EPHA3: variants seen among roughly 807,000 people sequenced by gnomAD.
The protein encoded by EPHA3 is ephrin type-A receptor 3.
A neutral mutation model predicts 107.1 loss-of-function variants in EPHA3; 42 were observed. The ratio of observed to expected loss-of-function variants is 0.39; its 90% CI spans 0.31 to 0.51. The LOEUF (loss-of-function observed/expected upper bound fraction) is 0.51. EPHA3 is among the 20% of genes least tolerant of loss of function. The pLI, the probability that EPHA3 is intolerant of heterozygous loss-of-function variation, is 0.78. For synonymous variants in EPHA3, 461 were observed against 424.8 expected, an observed-to-expected ratio of 1.09 and a Z score of -1.05; for missense variants, 1,183 against 1,211.2, an observed-to-expected ratio of 0.98 and a Z score of 0.35.
At chr3:89,453,933 T>C (rs920205977) in intron 15 of EPHA3, among the ~76,000 whole-genome samples, 9 of 152,172 alleles carry the variant, frequency 5.9e-5, no homozygotes, top group African/African-American at 1.9e-4. Flanking sequence ...AATCCTCTAC[T>C]CTTCCTCTCT....
At chr3:89,198,095 T>C (rs1162600647) in intron 2 of EPHA3, among the ~76,000 whole-genome samples, 5 of 152,322 alleles carry the variant, frequency 3.3e-5, no homozygotes, top group Admixed American at 2.6e-4. Context: ...ATAATTGTTA[T>C]AGCCTCAAAT....
rs559733733 is a variant in EPHA3, at chr3:89,217,654, C to T, written c.814+7134C>T. 2.6e-5 allele frequency among the ~76,000 whole-genome samples: 4 copies of T among 152,190 alleles called. No individual in the cohort carries two copies. The East Asian group carries it at 5.8e-4, about 22-fold the overall frequency. On this transcript the variant is annotated intron_variant, in intron 3 of 16. Transcript: ENST00000336596. ...TTATTAAAAATAAACAAATAAAAAG[C>T]AAGAATGGCTTCAAATATAGAAAGA...
At chr3:89,250,243 T>G (rs1199279246) in intron 3 of EPHA3, among the ~76,000 whole-genome samples, 1 of 152,222 alleles carries the variant, frequency 6.6e-6, no homozygotes, top group Non-Finnish European at 1.5e-5. Context: ...TTTCCTCTAT[T>G]AGCAAAGCTT....
intron 3 of EPHA3, among the ~76,000 whole-genome samples, chr3:89,301,143 T>C (rs958930660): frequency 6.6e-6 from 1 of 152,080 alleles, no homozygotes. Flanking sequence ...GGGTTAAAAA[T>C]ACATGAGTCA....
intron 7 of EPHA3, 23 bp downstream of exon 7, chr3:89,399,503 C>G (rs2107508767): frequency 6.2e-7 from 1 of 1,610,382 alleles, no homozygotes. Flanking sequence ...TCAATGCAGT[C>G]TAGAGGAGGG....
Position 89,250,440 on chromosome 3 carries a change from C to G in EPHA3, c.814+39920C>G, listed in dbSNP as rs554340018. The stretch of plus-strand genomic sequence containing the variant: ...TGTTTTCTGTCTCATGTCATCGTAC[C>G]TTTATCTACCCTATTATCACCTGCA... On this transcript the variant is annotated intron_variant, in intron 3 of 16. Transcript: ENST00000336596. 2.0e-5 allele frequency among the ~76,000 whole-genome samples: 3 copies of G among 152,234 alleles called. No homozygotes were observed. The South Asian group carries it at 6.2e-4, about 32-fold the overall frequency.
chr3:89,262,279 G>T (rs1429846443), intron 3 of EPHA3, among the ~76,000 whole-genome samples: 1 of 152,116 alleles, frequency 6.6e-6, no homozygotes, highest in Non-Finnish European at 1.5e-5. Flanking sequence ...CAAACTGGAT[G>T]ACTTAAAACA....
chr3:89,332,154 T>C (rs1576316458), intron 3 of EPHA3, among the ~76,000 whole-genome samples: 1 of 152,150 alleles, frequency 6.6e-6, no homozygotes, highest in African/African-American at 2.4e-5. Flanking sequence ...GCACTGATCA[T>C]GAAGAACGGA....
intron 15 of EPHA3, among the ~76,000 whole-genome samples, chr3:89,460,823 C>CTTTTTTTTTTTTTTTT (rs753656853): frequency 4.1e-4 from 42 of 102,824 alleles, no homozygotes; most frequent in South Asian, 8.8e-4. Flanking sequence ...CTCTGTCTCT[C>CTTTTTTTTTTTTTTTT]TTTTTTTTTT....
chr3:89,338,116 A>G (rs962151287), intron 3 of EPHA3, among the ~76,000 whole-genome samples: 1 of 152,228 alleles, frequency 6.6e-6, no homozygotes, highest in Non-Finnish European at 1.5e-5. Flanking sequence ...CTTTTTGTCC[A>G]TAACTTTGGC....
intron 2 of EPHA3, among the ~76,000 whole-genome samples, chr3:89,145,101 T>C (rs1225686643): frequency 1.3e-5 from 2 of 151,672 alleles, no homozygotes; most frequent in Admixed American, 6.6e-5. Flanking sequence ...CTAAACAAAA[T>C]TTTGTTTTCT....
intron 5 of EPHA3, among the ~76,000 whole-genome samples, chr3:89,390,783 G>A (rs919589717): frequency 2.7e-5 from 3 of 111,140 alleles, no homozygotes; most frequent in African/African-American, 4.5e-5. Flanking sequence ...AAATTGAAAA[G>A]CATTTTTTTT....
intron 3 of EPHA3, among the ~76,000 whole-genome samples, chr3:89,266,675 C>T (rs1332024181): frequency 1.3e-5 from 2 of 151,858 alleles, no homozygotes; most frequent in Non-Finnish European, 2.9e-5. Flanking sequence ...GTTTCTTTAT[C>T]CTTTATGCTG....
chr3:89,299,833 G>A (rs1227247365), intron 3 of EPHA3, among the ~76,000 whole-genome samples: 1 of 152,020 alleles, frequency 6.6e-6, no homozygotes, highest in Non-Finnish European at 1.5e-5. Context: ...GTTGATTTGT[G>A]TGATATCCAG....
intron 1 of EPHA3, among the ~76,000 whole-genome samples, chr3:89,118,517 G>A (rs1423836980): frequency 6.6e-6 from 1 of 151,560 alleles, no homozygotes; most frequent in Admixed American, 6.6e-5. Context: ...AATTAACTAA[G>A]CATGTTTTAT....
intron 15 of EPHA3, among the ~76,000 whole-genome samples, chr3:89,451,862 T>C (rs1359371567): frequency 6.6e-6 from 1 of 151,820 alleles, no homozygotes. Context: ...AAGTTATCTG[T>C]TTGAAGATCA....
At chr3:89,446,205 T>C (rs1412819454) in intron 13 of EPHA3, among the ~76,000 whole-genome samples, 1 of 152,212 alleles carries the variant, frequency 6.6e-6, no homozygotes, top group East Asian at 1.9e-4. Context: ...TCTGTAACCA[T>C]GTATTTCATT....
chr3:89,470,567 C>T (rs1324448615), intron 15 of EPHA3, among the ~76,000 whole-genome samples: 4 of 152,182 alleles, frequency 2.6e-5, no homozygotes, highest in Admixed American at 2.6e-4. Flanking sequence ...CAAGGTCACA[C>T]AAATAGTATG....
At chr3:89,162,098 C>T (rs1389237773) in intron 2 of EPHA3, among the ~76,000 whole-genome samples, 1 of 151,948 alleles carries the variant, frequency 6.6e-6, no homozygotes, top group African/African-American at 2.4e-5. Context: ...AAGAGATTTA[C>T]ACAGGAACTG....
Sources: allele counts gnomAD v4.1 joint callset (sites outside exome capture counted in the v4.1 genomes callset), GRCh38; gene constraint gnomAD v4.1.1; transcripts MANE v1.5; gene names NCBI Gene and HGNC (gene_info 2026-07-23, HGNC 2026-07-21).